PLXNA4: variants seen among roughly 807,000 people sequenced by gnomAD.
PLXNA4 encodes the protein plexin A4.
A neutral mutation model predicts 191.8 loss-of-function variants in PLXNA4; 44 were observed. The observed-to-expected ratio is 0.23, with a 90% CI of 0.18 to 0.29. PLXNA4 has a LOEUF of 0.29. Ranked by LOEUF, PLXNA4 falls within the 10% of genes least tolerant of loss-of-function variation. The pLI is 1.00. For synonymous variants in PLXNA4, 1,082 were observed against 1,009.5 expected (o/e 1.07, Z -1.36); for missense variants, 1,800 against 2,488.8 (o/e 0.72, Z 5.89).
chr7:132,610,184 A>T (rs1803018573), intron 2 of PLXNA4, among the ~76,000 whole-genome samples: 1 of 152,254 alleles, frequency 6.6e-6, no homozygotes, highest in South Asian at 2.1e-4. Flanking sequence ...AAGGCAAAGC[A>T]ATCATGCAGA....
intron 3 of PLXNA4, among the ~76,000 whole-genome samples, chr7:132,408,441 A>G (rs556617697): frequency 2.1e-4 from 28 of 133,980 alleles, no homozygotes; most frequent in Non-Finnish European, 3.9e-4. Flanking sequence ...CTTTGAACAC[A>G]AAAACACTTT....
chr7:132,481,489 T>C (rs1194854409), intron 3 of PLXNA4, among the ~76,000 whole-genome samples: 1 of 151,660 alleles, frequency 6.6e-6, no homozygotes, highest in Non-Finnish European at 1.5e-5. Flanking sequence ...CTGGGTAAAA[T>C]GGAAGGTGTA....
At chr7:132,505,651 T>C (rs1207791221) in intron 2 of PLXNA4, among the ~76,000 whole-genome samples, 1 of 152,226 alleles carries the variant, frequency 6.6e-6, no homozygotes, top group Admixed American at 6.5e-5. Flanking sequence ...TGTGTGACCT[T>C]GGGCAATTCA....
intron 4 of PLXNA4, among the ~76,000 whole-genome samples, chr7:132,276,171 C>T (rs1800270378): frequency 6.6e-6 from 1 of 152,172 alleles, no homozygotes. Flanking sequence ...TACATAAATG[C>T]ATGAGCATAG....
At chr7:132,452,891 G>A (rs7784129) in intron 3 of PLXNA4, among the ~76,000 whole-genome samples, 5,422 of 152,262 alleles carry the variant, frequency 0.036, 314 homozygotes, top group East Asian at 0.28. Context: ...AAAGTGATTA[G>A]GGAATTGGAA....
chr7:132,217,853 G>A (rs994344722), intron 9 of PLXNA4, among the ~76,000 whole-genome samples: 1 of 151,092 alleles, frequency 6.6e-6, no homozygotes, highest in Admixed American at 6.6e-5. Context: ...TACCTGGAGT[G>A]GGGGTGGTGC....
intron 29 of PLXNA4, 89 bp downstream of exon 29, chr7:132,145,030 C>G: frequency 6.3e-7 from 1 of 1,590,708 alleles, no homozygotes; most frequent in Non-Finnish European, 8.6e-7. Flanking sequence ...GCCAGCCCTT[C>G]TCCTGGAGGC....
At chr7:132,513,057 T>C (rs1196295711) in intron 1 of PLXNA4, among the ~76,000 whole-genome samples, 1 of 152,212 alleles carries the variant, frequency 6.6e-6, no homozygotes, top group African/African-American at 2.4e-5. Flanking sequence ...GCTACAGTTT[T>C]CCCTTCTTTG....
chr7:132,534,859 G>A (rs963982116), intron 1 of PLXNA4, among the ~76,000 whole-genome samples: 7 of 152,166 alleles, frequency 4.6e-5, no homozygotes, highest in East Asian at 1.9e-4. Flanking sequence ...AGGCTGACAC[G>A]GCGCCCCCAT....
At chr7:132,592,867 TTA>T (rs1802626534) in intron 2 of PLXNA4, among the ~76,000 whole-genome samples, 1 of 142,948 alleles carries the variant, frequency 7.0e-6, no homozygotes, top group Non-Finnish European at 1.5e-5. Context: ...CAAAAAAAAT[TTA>T]AAAAAAAAAA....
chr7:132,528,198 C>T (rs1386110608), intron 1 of PLXNA4, among the ~76,000 whole-genome samples: 4 of 152,128 alleles, frequency 2.6e-5, no homozygotes, highest in African/African-American at 9.7e-5. Context: ...TCATGCCAGC[C>T]AGGGAGGGAG....
Position 132,130,053 on chromosome 7 carries a change from G to A in PLXNA4, c.*426C>T, listed in dbSNP as rs1794880673. On this transcript the variant is annotated 3_prime_UTR_variant, in exon 32 of 32. Coordinates refer to ENST00000321063, the MANE Select transcript of PLXNA4 (RefSeq NM_020911.2). Reference sequence around the variant, plus strand: ...AAGTCCTTCCTTGCCTCTTCCCTAGGCCAAGGCTCAGACCAAAGCAGGGGC... The same window carrying A: ...AAGTCCTTCCTTGCCTCTTCCCTAGACCAAGGCTCAGACCAAAGCAGGGGC... The A allele has an allele frequency of 5.2e-6, 1 of 191,886 alleles. No individual in the cohort carries two copies. Among genetic ancestry groups the A allele is most frequent in the Non-Finnish European group, 1.1e-5 (1 of 90,658 alleles). The allele number at this position is 191,886 out of a possible 1,614,324, so 11.9% of individuals were successfully genotyped here. A position where few individuals can be genotyped will look rare whatever the true frequency, so the allele number is the denominator to read the frequency against.
At chr7:132,431,823 A>T (rs1187821932) in intron 3 of PLXNA4, among the ~76,000 whole-genome samples, 3 of 152,178 alleles carry the variant, frequency 2.0e-5, no homozygotes, top group African/African-American at 7.2e-5. Context: ...ACGTGAGATA[A>T]TGTGTGTTCA....
intron 3 of PLXNA4, among the ~76,000 whole-genome samples, chr7:132,415,466 A>G (rs1286560250): frequency 8.5e-5 from 13 of 152,220 alleles, no homozygotes; most frequent in Non-Finnish European, 1.6e-4. Flanking sequence ...CAGAGGTATC[A>G]GGAGAGCTGG....
intron 1 of PLXNA4, among the ~76,000 whole-genome samples, chr7:132,566,657 G>A (rs533910558): frequency 1.3e-5 from 2 of 152,288 alleles, no homozygotes; most frequent in East Asian, 3.9e-4. Context: ...CACATATTTT[G>A]CAAACATCCA....
chr7:132,455,448 C>G (rs1054336566), intron 3 of PLXNA4, among the ~76,000 whole-genome samples: 4 of 151,818 alleles, frequency 2.6e-5, no homozygotes, highest in African/African-American at 9.7e-5. Flanking sequence ...GACACACACA[C>G]ACACACGCAG....
At chr7:132,419,172 A>G (rs573821770) in intron 3 of PLXNA4, among the ~76,000 whole-genome samples, 1 of 152,252 alleles carries the variant, frequency 6.6e-6, no homozygotes, top group Admixed American at 6.5e-5. Flanking sequence ...TTCCTCTTTA[A>G]GTGGGAGAAA....
intron 4 of PLXNA4, among the ~76,000 whole-genome samples, chr7:132,253,048 G>C (rs1346862746): frequency 1.3e-5 from 2 of 152,180 alleles, no homozygotes; most frequent in Non-Finnish European, 2.9e-5. Context: ...CTTCTAGAGA[G>C]AGAGTTACAT....
At chr7:132,627,253 T>C (rs1174128677) in intron 2 of PLXNA4, among the ~76,000 whole-genome samples, 1 of 152,204 alleles carries the variant, frequency 6.6e-6, no homozygotes, top group Non-Finnish European at 1.5e-5. Context: ...TATTTGTTGA[T>C]GTTTTTCAGT....
Sources: allele counts gnomAD v4.1 joint callset (sites outside exome capture counted in the v4.1 genomes callset), GRCh38; gene constraint gnomAD v4.1.1; transcripts MANE v1.5; gene names NCBI Gene and HGNC (gene_info 2026-07-23, HGNC 2026-07-21).